Variants in BCL2L15 observed in about 807,000 individuals in gnomAD.
The protein encoded by BCL2L15 is BCL2 like 15.
Under a neutral mutation model 18.3 loss-of-function variants are expected in BCL2L15, and 15 were observed. That is an observed-to-expected ratio of 0.82 (90% CI 0.55 to 1.26). The LOEUF (loss-of-function observed/expected upper bound fraction) is 1.26. BCL2L15 is among the 50% of genes most tolerant of loss of function. The pLI, the probability that BCL2L15 is intolerant of heterozygous loss-of-function variation, is 0.00. For synonymous variants in BCL2L15, 58 were observed against 68.5 expected (o/e 0.85, Z 0.76); for missense variants, 180 against 201.7 (o/e 0.89, Z 0.65).
chr1:113,887,561 A>G lies in BCL2L15; in HGVS notation c.-186T>C. On this transcript the variant is annotated 5_prime_UTR_variant, in exon 1 of 4. Transcript: ENST00000393316. ...TGCTCAGAAAGGTGGGACTTCTCAG[A>G]AGGATTACCTACTTGGAACTGGGGA... 3 of 681,562 alleles carry G rather than the reference A, an allele frequency of 4.4e-6. No homozygotes were observed. The highest frequency in any genetic ancestry group is 4.8e-6 in the Non-Finnish European group (2 of 415,404). The allele number at this position is 681,562 out of a possible 1,614,324, so 42.2% of individuals were successfully genotyped here. A position where few individuals can be genotyped will look rare whatever the true frequency, so the allele number is the denominator to read the frequency against.
chr1:113,883,454 C>A (rs1324696957), intron 2 of BCL2L15, among the ~76,000 whole-genome samples: 1 of 149,940 alleles, frequency 6.7e-6, no homozygotes, highest in Non-Finnish European at 1.5e-5. Flanking sequence ...TGCTCTCCTG[C>A]CTGGGCGACA....
In BCL2L15 at chr1:113,878,182, T is replaced by C. The variant is rs1666772384; in HGVS notation, c.*2941A>G. 1 of 152,232 alleles carries C rather than the reference T, an allele frequency of 6.6e-6. No homozygotes were observed. The highest frequency in any genetic ancestry group is 2.1e-4 in the South Asian group (1 of 4,832). The allele number at this position is 152,232 out of a possible 1,614,324, so 9.4% of individuals were successfully genotyped here. A position where few individuals can be genotyped will look rare whatever the true frequency, so the allele number is the denominator to read the frequency against. The stretch of plus-strand genomic sequence containing the variant: ...AGTACTCACCCTTTACAAAATGTAT[T>C]TGTTTTATTTATCTCTCACAAAAAT... On this transcript the variant is annotated 3_prime_UTR_variant, in exon 4 of 4. Coordinates refer to ENST00000393316, the MANE Select transcript of BCL2L15 (RefSeq NM_001010922.3).
In BCL2L15 at chr1:113,880,928, C is replaced by A; in HGVS notation, c.*195G>T. The A allele has an allele frequency of 2.9e-6, 2 of 685,312 alleles. No individual in the cohort carries two copies. Among genetic ancestry groups the A allele is most frequent in the South Asian group, 2.0e-5 (1 of 49,278 alleles). 42.5% of individuals were successfully genotyped at this position (685,312 alleles called of 1,614,324 possible). A position where few individuals can be genotyped will look rare whatever the true frequency, so the allele number is the denominator to read the frequency against. ...ATTAAGTTGACAAAACAAAACAAAA[C>A]AAAAACCAACTCTGCAGGCCTCTGG... On this transcript the variant is annotated 3_prime_UTR_variant, in exon 4 of 4. Transcript: ENST00000393316.
Position 113,881,961 on chromosome 1 carries a change from T to C in BCL2L15, c.286A>G (p.Ser96Gly). The change falls in exon 3 of 4, where the codon AGC (serine) becomes GGC (glycine). Residue 96 changes from serine (S) to glycine (G), a missense_variant. Transcript: ENST00000393316. The stretch of plus-strand genomic sequence containing the variant: ...GAATCCTGAGCACACCAGGTCTTGC[T>C]GAGAGATTCCACAGTGTCCTGGAGT... ...AILQDTVESL[S>G]KTWCAQDSSL... is the part of the protein sequence containing the mutation. 2 of 1,614,054 alleles carry C rather than the reference T, an allele frequency of 1.2e-6. No homozygotes were observed. The highest frequency in any genetic ancestry group is 2.2e-5 in the East Asian group (1 of 44,888).
At chr1:113,882,268 G>T (rs531200184) in intron 2 of BCL2L15, among the ~76,000 whole-genome samples, 63 of 152,282 alleles carry the variant, frequency 4.1e-4, no homozygotes, top group African/African-American at 1.5e-3. Context: ...AAAATGATTT[G>T]AAAGAAAAAT....
At chr1:113,883,636 T>C (rs1467192090) in intron 2 of BCL2L15, among the ~76,000 whole-genome samples, 1 of 150,424 alleles carries the variant, frequency 6.6e-6, no homozygotes, top group Non-Finnish European at 1.5e-5. Flanking sequence ...AAAAAAAAAT[T>C]AGCCAGGCGT....
At chr1:113,886,087 T>C (rs1667022935) in intron 2 of BCL2L15, among the ~76,000 whole-genome samples, 1 of 151,428 alleles carries the variant, frequency 6.6e-6, no homozygotes, top group Non-Finnish European at 1.5e-5. Context: ...ATGGTAGCAC[T>C]TGCCTGAAGT....
intron 3 of BCL2L15, chr1:113,881,390 T>C (rs1666875609): frequency 8.8e-7 from 1 of 1,133,314 alleles, no homozygotes; most frequent in Non-Finnish European, 1.2e-6. Context: ...TTAAGGTGAT[T>C]CTGACTTCCC....
rs1429849196 is a variant in BCL2L15, at chr1:113,879,903, A to G, written c.*1220T>C. The G allele has an allele frequency of 1.3e-5, 2 of 152,198 alleles. No individual in the cohort carries two copies. Among genetic ancestry groups the G allele is most frequent in the African/African-American group, 2.4e-5 (1 of 41,444 alleles). 9.4% of individuals were successfully genotyped at this position (152,198 alleles called of 1,614,324 possible). A position where few individuals can be genotyped will look rare whatever the true frequency, so the allele number is the denominator to read the frequency against. On this transcript the variant is annotated 3_prime_UTR_variant, in exon 4 of 4. Transcript: ENST00000393316. The stretch of plus-strand genomic sequence containing the variant: ...CGCGTGGGTTGTAATTTATCAATCT[A>G]TTCTCTATAGTGATGGCTGTCACAC...
chr1:113,881,559 T>G (rs999117703), intron 3 of BCL2L15: 3 of 1,404,264 alleles, frequency 2.1e-6, no homozygotes, highest in Non-Finnish European at 1.9e-6. Context: ...AGTCAATATT[T>G]AAGGTAGCAT....
rs879705209 is a variant in BCL2L15, at chr1:113,887,149, T to C, written c.127+100A>G. 478 of 1,127,448 alleles carry C rather than the reference T, an allele frequency of 4.2e-4. 1 individual carries two copies. The highest frequency in any genetic ancestry group is 5.6e-4 in the Middle Eastern group (2 of 3,546). The allele number at this position is 1,127,448 out of a possible 1,614,324, so 69.8% of individuals were successfully genotyped here. On this transcript the variant is annotated intron_variant, in intron 1 of 3. Transcript: ENST00000393316. ...CTGACTTCAGGTGATCCACCCACCTTGGCCTCCCAAAGTGCTGGGATTACG... is the reference window on the plus strand; with the variant it reads ...CTGACTTCAGGTGATCCACCCACCTCGGCCTCCCAAAGTGCTGGGATTACG...
rs1666847197 is a variant in BCL2L15, at chr1:113,880,524, G to C, written c.*599C>G. ...TCCTGTAGTCCCAGCTACTCAGGAG[G>C]CTGAGGCAGGAGAATGGAGTGAAAC... On this transcript the variant is annotated 3_prime_UTR_variant, in exon 4 of 4. Coordinates refer to ENST00000393316, the MANE Select transcript of BCL2L15 (RefSeq NM_001010922.3). 6.6e-6 allele frequency: 1 copy of C among 152,390 alleles called. No individual in the cohort carries two copies. Among genetic ancestry groups the C allele is most frequent in the Non-Finnish European group, 1.5e-5 (1 of 68,284 alleles). 9.4% of individuals were successfully genotyped at this position (152,390 alleles called of 1,614,324 possible).
rs1666820762 is a variant in BCL2L15 at position 113,879,935 on chromosome 1, T to C, written c.*1188A>G. 1 of 152,230 alleles carries C rather than the reference T, an allele frequency of 6.6e-6. No homozygotes were observed. The highest frequency in any genetic ancestry group is 1.5e-5 in the Non-Finnish European group (1 of 68,046). 9.4% of individuals were successfully genotyped at this position (152,230 alleles called of 1,614,324 possible). A position where few individuals can be genotyped will look rare whatever the true frequency, so the allele number is the denominator to read the frequency against. On this transcript the variant is annotated 3_prime_UTR_variant, in exon 4 of 4. Transcript: ENST00000393316. The stretch of plus-strand genomic sequence containing the variant: ...ATAGTGATGGCTGTCACACTCTATA[T>C]GTACATCAGAATCACCTATGGAACT...
chr1:113,886,336 A>C (rs1401006787), intron 2 of BCL2L15, among the ~76,000 whole-genome samples: 2 of 152,200 alleles, frequency 1.3e-5, no homozygotes, highest in Non-Finnish European at 2.9e-5. Context: ...CTGAAGGTTC[A>C]TCAGCCTATG....
At chr1:113,881,197 A>G (rs1571509592) in intron 3 of BCL2L15, 57 bp from the exon 4 acceptor site, 1 of 1,612,468 alleles carries the variant, frequency 6.2e-7, no homozygotes, top group East Asian at 2.2e-5. Flanking sequence ...GAACTTCCTA[A>G]GAAACCAGGA....
In BCL2L15 at chr1:113,877,903, C is replaced by T. The variant is rs980145258; in HGVS notation, c.*3220G>A. Among the ~76,000 whole-genome samples, 2 of 152,020 alleles carry T rather than the reference C, an allele frequency of 1.3e-5. No individual in the cohort carries two copies. Among genetic ancestry groups the T allele is most frequent in the South Asian group, 4.1e-4 (2 of 4,832 alleles). ...GACTGAGGTTTTGAGCTAGTTGTAT[C>T]GCAAACAGGGAGAGTATGGGGATAA... On this transcript the variant is annotated 3_prime_UTR_variant, in exon 4 of 4. Coordinates refer to ENST00000393316, the MANE Select transcript of BCL2L15 (RefSeq NM_001010922.3).
rs899862333 is a variant in BCL2L15 at position 113,879,458 on chromosome 1, C to T, written c.*1665G>A. 1 of 152,354 alleles carries T rather than the reference C, an allele frequency of 6.6e-6. No homozygotes were observed. The highest frequency in any genetic ancestry group is 1.5e-5 in the Non-Finnish European group (1 of 68,032). The allele number at this position is 152,354 out of a possible 1,614,324, so 9.4% of individuals were successfully genotyped here. A position where few individuals can be genotyped will look rare whatever the true frequency, so the allele number is the denominator to read the frequency against. On this transcript the variant is annotated 3_prime_UTR_variant, in exon 4 of 4. Transcript: ENST00000393316. ...TAAGCTTTGCTTCCAATCACTCTCA[C>T]TTGTAGGGCCAGAGAAATGGACTAC...
At chr1:113,885,203 CT>C (rs1351024021) in intron 2 of BCL2L15, among the ~76,000 whole-genome samples, 3 of 151,598 alleles carry the variant, frequency 2.0e-5, no homozygotes, top group Non-Finnish European at 4.4e-5. Context: ...CAGTCCGCCC[CT>C]CTCGGCCTCC....
chr1:113,881,541 T>G, intron 3 of BCL2L15: 1 of 1,386,904 alleles, frequency 7.2e-7, no homozygotes, highest in South Asian at 1.7e-5. Context: ...AGCTTTACAG[T>G]AGTCAGCAGT....
Sources: allele counts gnomAD v4.1 joint callset (sites outside exome capture counted in the v4.1 genomes callset), GRCh38; gene constraint gnomAD v4.1.1; transcripts MANE v1.5; gene names NCBI Gene and HGNC (gene_info 2026-07-23, HGNC 2026-07-21).